The following CACNA1C variants were observed in gnomAD, a reference collection of about 807,000 sequenced individuals.
The protein encoded by CACNA1C is calcium voltage-gated channel subunit alpha1 C.
A neutral mutation model predicts 229.0 loss-of-function variants in CACNA1C; 30 were observed. That is an observed-to-expected ratio of 0.13 (90% CI 0.10 to 0.18). The LOEUF (loss-of-function observed/expected upper bound fraction) is 0.18, where lower values mean the gene tolerates loss of function less well. CACNA1C is among the 10% of genes least tolerant of loss of function. The pLI, the probability that CACNA1C is intolerant of heterozygous loss-of-function variation, is 1.00. For missense variants in CACNA1C, 1,658 were observed against 2,845.0 expected, an observed-to-expected ratio of 0.58 and a Z score of 9.49; for synonymous variants, 1,114 against 1,132.5, an observed-to-expected ratio of 0.98 and a Z score of 0.33.
intron 2 of CACNA1C, 91 bp downstream of exon 2, chr12:2,115,636 C>T: frequency 1.6e-6 from 2 of 1,263,244 alleles, no homozygotes; most frequent in East Asian, 2.4e-5. Context: ...GCTGTGTCAG[C>T]TGTGCTGGGC....
intron 3 of CACNA1C, among the ~76,000 whole-genome samples, chr12:2,121,441 T>C (rs2086675604): frequency 6.6e-6 from 1 of 152,190 alleles, no homozygotes; most frequent in South Asian, 2.1e-4. Flanking sequence ...AAAAAAAATA[T>C]GATGCACGTT....
At chr12:2,110,927 G>A (rs374720514) in intron 1 of CACNA1C, among the ~76,000 whole-genome samples, 1 of 152,142 alleles carries the variant, frequency 6.6e-6, no homozygotes, top group African/African-American at 2.4e-5. Context: ...GGTCAGTCCC[G>A]AGAGGCCATA....
chr12:2,661,978 C>A (rs961507954), intron 34 of CACNA1C, among the ~76,000 whole-genome samples: 1 of 152,206 alleles, frequency 6.6e-6, no homozygotes, highest in African/African-American at 2.4e-5. Context: ...CGCAGTGGCT[C>A]ACGCCTGTAA....
intron 7 of CACNA1C, among the ~76,000 whole-genome samples, chr12:2,501,697 G>C (rs1364684958): frequency 6.6e-6 from 1 of 152,192 alleles, no homozygotes. Context: ...TATTGGCTCG[G>C]GTTTGTTTTT....
chr12:2,424,134 C>T (rs564663421), intron 3 of CACNA1C, among the ~76,000 whole-genome samples: 29 of 152,356 alleles, frequency 1.9e-4, no homozygotes, highest in Non-Finnish European at 3.2e-4. Flanking sequence ...GCGTCTTCAG[C>T]GCCACAAGCT....
intron 3 of CACNA1C, among the ~76,000 whole-genome samples, chr12:2,445,264 C>G (rs2099266690): frequency 6.6e-6 from 1 of 152,206 alleles, no homozygotes; most frequent in Non-Finnish European, 1.5e-5. Flanking sequence ...GCCAGCTGTG[C>G]TTGCCTCCGG....
Position 2,143,035 on chromosome 12 carries a change from G to T in CACNA1C, c.477+22605G>T, listed in dbSNP as rs528320994. ...CTGTTGCCCAGGCTGGAGTGCAATG[G>T]TGCTATCTTGGCTCACTGCTACCTC... On this transcript the variant is annotated intron_variant, in intron 3 of 46. Coordinates refer to ENST00000399655, the MANE Select transcript of CACNA1C (RefSeq NM_000719.7). 8.0e-5 allele frequency among the ~76,000 whole-genome samples: 12 copies of T among 150,762 alleles called. 1 individual carries two copies. Among genetic ancestry groups the T allele is most frequent in the Non-Finnish European group, 1.3e-4 (9 of 67,490 alleles).
At chr12:2,226,982 C>T (rs2063197053) in intron 3 of CACNA1C, among the ~76,000 whole-genome samples, 1 of 152,328 alleles carries the variant, frequency 6.6e-6, no homozygotes, top group East Asian at 1.9e-4. Flanking sequence ...TGTCCTTAGC[C>T]CACTTGCAGA....
intron 3 of CACNA1C, among the ~76,000 whole-genome samples, chr12:2,280,703 A>T (rs2090909131): frequency 1.1e-5 from 1 of 90,072 alleles, no homozygotes; most frequent in Non-Finnish European, 2.2e-5. Context: ...TAACCTCTTG[A>T]TACCTTGCTG....
At chr12:2,369,529 G>T (rs1454158600) in intron 3 of CACNA1C, among the ~76,000 whole-genome samples, 1 of 151,574 alleles carries the variant, frequency 6.6e-6, no homozygotes, top group East Asian at 1.9e-4. Flanking sequence ...CTTCCGAGTT[G>T]CTGGGATTAC....
At chr12:2,613,585 T>C (rs2078966826) in intron 29 of CACNA1C, 1 of 152,224 alleles carries the variant, frequency 6.6e-6, no homozygotes, top group Non-Finnish European at 1.5e-5. Flanking sequence ...CCTTTGGTGA[T>C]AGAACGGTGG....
intron 29 of CACNA1C, among the ~76,000 whole-genome samples, chr12:2,621,447 C>T (rs2083198672): frequency 6.6e-6 from 1 of 152,232 alleles, no homozygotes; most frequent in Non-Finnish European, 1.5e-5. Context: ...AGGACTGTGC[C>T]AGAGCGCACA....
intron 1 of CACNA1C, among the ~76,000 whole-genome samples, chr12:2,021,979 T>A (rs73042497): frequency 6.6e-6 from 1 of 152,108 alleles, no homozygotes; most frequent in African/African-American, 2.4e-5. Context: ...TGAATACATT[T>A]ATTGTGTTCA....
Position 2,035,244 on chromosome 12 carries a change from C to T in CACNA1C, c.139+64043C>T, listed in dbSNP as rs114127914. 7.0e-3 allele frequency among the ~76,000 whole-genome samples: 1,060 copies of T among 152,372 alleles called. 8 individuals carry two copies. Among genetic ancestry groups the T allele is most frequent in the African/African-American group, 0.024 (1,011 of 41,588 alleles). On this transcript the variant is annotated intron_variant, in intron 1 of 46. Coordinates refer to the CACNA1C transcript ENST00000682462. ...CCAAGTCCTGAAGGAGGCCGTTTTC[C>T]TGTCATTTGCACCTGGCCGGAGCCA...
At chr12:2,026,612 C>A (rs547861390) in intron 1 of CACNA1C, among the ~76,000 whole-genome samples, 3 of 152,294 alleles carry the variant, frequency 2.0e-5, no homozygotes, top group Middle Eastern at 3.4e-3. Context: ...AGACTTCACT[C>A]TGTATAAGGC....
chr12:2,572,155 A>G (rs759456348), intron 13 of CACNA1C, among the ~76,000 whole-genome samples: 1 of 150,810 alleles, frequency 6.6e-6, no homozygotes, highest in Non-Finnish European at 1.5e-5. Context: ...TTGGCCAGCA[A>G]CTCCTGGAGA....
intron 29 of CACNA1C, among the ~76,000 whole-genome samples, chr12:2,626,115 C>T (rs2086330566): frequency 6.6e-6 from 1 of 152,258 alleles, no homozygotes; most frequent in Non-Finnish European, 1.5e-5. Context: ...TTATTCACAT[C>T]TTGTTCAAGA....
chr12:2,144,864 A>C (rs1337637847), intron 3 of CACNA1C, among the ~76,000 whole-genome samples: 1 of 151,260 alleles, frequency 6.6e-6, no homozygotes, highest in Non-Finnish European at 1.5e-5. Flanking sequence ...AGGACCTACA[A>C]ATCTTCATGG....
intron 3 of CACNA1C, among the ~76,000 whole-genome samples, chr12:2,313,574 G>A (rs2095541303): frequency 6.6e-6 from 1 of 152,182 alleles, no homozygotes; most frequent in Non-Finnish European, 1.5e-5. Context: ...GACAGTTTGG[G>A]ACAACATTTG....
Sources: allele counts gnomAD v4.1 joint callset (sites outside exome capture counted in the v4.1 genomes callset), GRCh38; gene constraint gnomAD v4.1.1; transcripts MANE v1.5; gene names NCBI Gene and HGNC (gene_info 2026-07-23, HGNC 2026-07-21).